INPP4B: variants seen among roughly 807,000 people sequenced by gnomAD.
The protein encoded by INPP4B is inositol polyphosphate-4-phosphatase type II B, also known as inositol polyphosphate 4-phosphatase type II.
A neutral mutation model predicts 122.5 loss-of-function variants in INPP4B; 55 were observed. The ratio of observed to expected loss-of-function variants is 0.45; its 90% CI spans 0.36 to 0.56. The LOEUF (loss-of-function observed/expected upper bound fraction) is 0.56. Ranked by LOEUF, INPP4B falls within the 20% of genes least tolerant of loss-of-function variation. The pLI, the probability that INPP4B is intolerant of heterozygous loss-of-function variation, is 0.00. For missense variants in INPP4B, 1,000 were observed against 1,097.7 expected (o/e 0.91, Z 1.26); for synonymous variants, 403 against 388.7 (o/e 1.04, Z -0.43).
chr4:142,265,248 T>C (rs1036494893), intron 10 of INPP4B, among the ~76,000 whole-genome samples: 2 of 152,226 alleles, frequency 1.3e-5, no homozygotes, highest in African/African-American at 4.8e-5. Flanking sequence ...CTTATTTACG[T>C]CTACATTAGA....
chr4:142,355,362 C>CT (rs531623818), intron 7 of INPP4B, among the ~76,000 whole-genome samples: 1 of 151,790 alleles, frequency 6.6e-6, no homozygotes, highest in Non-Finnish European at 1.5e-5. Flanking sequence ...CAGATTTGCT[C>CT]TTTTTTTTCC....
chr4:142,192,354 A>AAAAAAAAAAAAAAAAAAAAG lies in INPP4B; in HGVS notation c.1181+732_1181+733insCTTTTTTTTTTTTTTTTTTT, dbSNP rs148371542. ...AAAGTAAAAAAAAAAAAAAAAAAAAATGGGATTCTTAAGAAGAATAACTAT... is the reference window on the plus strand; with the variant it reads ...AAAGTAAAAAAAAAAAAAAAAAAAAAAAAAAAAAAAAAAAAAAAAGTGGGATTCTTAAGAAGAATAACTAT... On this transcript the variant is annotated intron_variant, in intron 15 of 25. Coordinates refer to ENST00000262992, the MANE Select transcript of INPP4B (RefSeq NM_001101669.3). Among the ~76,000 whole-genome samples, 28 of 73,176 alleles carry AAAAAAAAAAAAAAAAAAAAG rather than the reference A, an allele frequency of 3.8e-4. 2 individuals carry two copies. Among genetic ancestry groups the AAAAAAAAAAAAAAAAAAAAG allele is most frequent in the Non-Finnish European group, 5.9e-4 (21 of 35,792 alleles). The allele number at this position is 73,176 out of a possible 152,430, so 48.0% of individuals were successfully genotyped here.
intron 2 of INPP4B, among the ~76,000 whole-genome samples, chr4:142,681,625 AAG>A (rs1758630777): frequency 6.6e-6 from 1 of 151,898 alleles, no homozygotes; most frequent in Admixed American, 6.6e-5. Flanking sequence ...GGAAGAAAGA[AAG>A]AAAGAAAACG....
chr4:142,620,632 G>T (rs1252817946), intron 2 of INPP4B, among the ~76,000 whole-genome samples: 1 of 151,700 alleles, frequency 6.6e-6, no homozygotes, highest in African/African-American at 2.4e-5. Flanking sequence ...GAACCTACTT[G>T]CACATGTATG....
rs1355262143 is a variant in INPP4B, at chr4:142,024,319, T to C, written c.*4463A>G. ...CAGGTGGGAAAAAGCATAGCTTATG[T>C]AGATTGCTGCTGGGTTAAATGAATA... On this transcript the variant is annotated 3_prime_UTR_variant, in exon 26 of 26. Coordinates refer to ENST00000262992, the MANE Select transcript of INPP4B (RefSeq NM_001101669.3). The C allele has an allele frequency of 6.6e-6, 1 of 152,142 alleles. No individual in the cohort carries two copies. The highest frequency in any genetic ancestry group is 1.5e-5 in the Non-Finnish European group (1 of 68,002). 9.4% of individuals were successfully genotyped at this position (152,142 alleles called of 1,614,324 possible). A position where few individuals can be genotyped will look rare whatever the true frequency, so the allele number is the denominator to read the frequency against.
chr4:142,730,726 A>G (rs1765960974), intron 1 of INPP4B, among the ~76,000 whole-genome samples: 1 of 152,120 alleles, frequency 6.6e-6, no homozygotes, highest in South Asian at 2.1e-4. Context: ...GATATATTTT[A>G]AGTTCTTCAA....
intron 1 of INPP4B, among the ~76,000 whole-genome samples, chr4:142,840,237 CTT>C (rs913777855): frequency 6.6e-6 from 1 of 151,828 alleles, no homozygotes; most frequent in Non-Finnish European, 1.5e-5. Context: ...GTAATTTGCA[CTT>C]TTTTTGCATT....
chr4:142,613,530 T>C (rs1743025190), intron 2 of INPP4B, among the ~76,000 whole-genome samples: 1 of 152,218 alleles, frequency 6.6e-6, no homozygotes, highest in African/African-American at 2.4e-5. Flanking sequence ...TGTGTAGCTA[T>C]GGCTACAGAT....
chr4:142,063,769 C>A (rs909329424), intron 25 of INPP4B, among the ~76,000 whole-genome samples: 1 of 152,080 alleles, frequency 6.6e-6, no homozygotes, highest in African/African-American at 2.4e-5. Flanking sequence ...TATTAGTGTA[C>A]TTTTGTTATT....
At chr4:142,270,883 A>G in intron 9 of INPP4B, 109 bp from the exon 10 acceptor site, 2 of 724,386 alleles carry the variant, frequency 2.8e-6, no homozygotes, top group South Asian at 3.2e-5. Context: ...TTTACTTAAT[A>G]AGACAACATC....
intron 2 of INPP4B, among the ~76,000 whole-genome samples, chr4:142,660,327 G>A (rs1182376576): frequency 5.3e-5 from 8 of 152,026 alleles, no homozygotes. Context: ...TATCTGCTAG[G>A]AAGAGAAGGG....
intron 3 of INPP4B, among the ~76,000 whole-genome samples, chr4:142,442,123 CA>C (rs1811859491): frequency 1.3e-5 from 2 of 151,806 alleles, no homozygotes; most frequent in Admixed American, 6.6e-5. Flanking sequence ...ATAAGAAAAA[CA>C]TGGGCCAGGC....
intron 10 of INPP4B, among the ~76,000 whole-genome samples, chr4:142,261,267 T>A (rs115462281): frequency 6.6e-6 from 1 of 152,152 alleles, no homozygotes. Context: ...CAGCTTCCTA[T>A]GAAACTGTAA....
At chr4:142,278,017 C>T (rs190248956) in intron 9 of INPP4B, among the ~76,000 whole-genome samples, 1 of 151,922 alleles carries the variant, frequency 6.6e-6, no homozygotes, top group Non-Finnish European at 1.5e-5. Flanking sequence ...CAAACTTATT[C>T]ATATAACCAA....
intron 25 of INPP4B, among the ~76,000 whole-genome samples, chr4:142,076,390 G>C (rs533970451): frequency 6.6e-6 from 1 of 152,120 alleles, no homozygotes; most frequent in Non-Finnish European, 1.5e-5. Context: ...TCTAAGATGT[G>C]TATTCTTTGC....
intron 2 of INPP4B, among the ~76,000 whole-genome samples, chr4:142,578,446 C>A (rs1202548093): frequency 6.6e-6 from 1 of 151,948 alleles, no homozygotes; most frequent in East Asian, 1.9e-4. Context: ...GTTCTGGACG[C>A]TAGAAGTCCA....
chr4:142,436,434 T>A (rs1810536667), intron 3 of INPP4B, among the ~76,000 whole-genome samples: 1 of 152,136 alleles, frequency 6.6e-6, no homozygotes, highest in African/African-American at 2.4e-5. Flanking sequence ...TGGGTCCTGC[T>A]TCCCATGCCA....
chr4:142,546,407 T>C (rs935390427), intron 2 of INPP4B, among the ~76,000 whole-genome samples: 3 of 152,142 alleles, frequency 2.0e-5, no homozygotes, highest in African/African-American at 7.2e-5. Flanking sequence ...AGCATGCATG[T>C]GCCTTATCTA....
At chr4:142,178,911 A>T (rs1829551305) in intron 15 of INPP4B, among the ~76,000 whole-genome samples, 2 of 152,076 alleles carry the variant, frequency 1.3e-5, no homozygotes, top group Admixed American at 6.6e-5. Flanking sequence ...TGAGAAGAAA[A>T]TAATATGGAT....
Sources: gnomAD v4.1 joint callset for allele counts (sites outside exome capture counted in the v4.1 genomes callset) on GRCh38, gnomAD v4.1.1 for gene constraint, MANE v1.5 for transcripts, NCBI Gene and HGNC (gene_info 2026-07-23, HGNC 2026-07-21) for gene names.